The following MTRES1 variants were observed in gnomAD, a reference collection of about 807,000 sequenced individuals.
MTRES1 encodes uncharacterized protein C6orf203.
Under a neutral mutation model 17.4 loss-of-function variants are expected in MTRES1, and 11 were observed. That is an observed-to-expected ratio of 0.63 (90% CI 0.40 to 1.05). MTRES1 has a LOEUF of 1.05. Among genes scored for constraint, MTRES1 ranks in the 50% least tolerant of loss-of-function variants. The pLI is 0.00. For synonymous variants in MTRES1, 94 were observed against 99.6 expected (o/e 0.94, Z 0.34); for missense variants, 268 against 276.2 (o/e 0.97, Z 0.21).
At chr6:107,038,196 A>T (rs1774073803) in intron 1 of MTRES1, among the ~76,000 whole-genome samples, 1 of 152,174 alleles carries the variant, frequency 6.6e-6, no homozygotes, top group South Asian at 2.1e-4. Flanking sequence ...TGTTAAATAT[A>T]AATTGGAAGT....
chr6:107,045,838 G>A (rs1774372717), intron 3 of MTRES1, among the ~76,000 whole-genome samples: 1 of 152,212 alleles, frequency 6.6e-6, no homozygotes, highest in Non-Finnish European at 1.5e-5. Flanking sequence ...TTTGGAGATT[G>A]TTTTCATTTC....
At position 107,041,819 on chromosome 6, in the gene MTRES1, G is replaced by A. The variant is rs557278309; in HGVS notation, c.470+1589G>A. ...TGGGATTACAGGCGTGAGCCACCGC[G>A]CCTGGCGAAGATTTCTTTAGTATTC... On this transcript the variant is annotated intron_variant, in intron 2 of 3. Coordinates refer to ENST00000311381, the MANE Select transcript of MTRES1 (RefSeq NM_016487.5). Among the ~76,000 whole-genome samples, 123 of 152,106 alleles carry A rather than the reference G, an allele frequency of 8.1e-4. 1 individual carries two copies. The highest frequency in any genetic ancestry group is 6.8e-3 in the Middle Eastern group (2 of 294).
chr6:107,041,128 G>A (rs1030088916), intron 2 of MTRES1, among the ~76,000 whole-genome samples: 4 of 151,562 alleles, frequency 2.6e-5, no homozygotes, highest in Admixed American at 2.6e-4. Context: ...CGGAGGCTGA[G>A]GCAGGAGAAT....
chr6:107,038,965 A>G (rs1216564359), intron 1 of MTRES1, among the ~76,000 whole-genome samples: 1 of 152,128 alleles, frequency 6.6e-6, no homozygotes, highest in African/African-American at 2.4e-5. Context: ...GAGGCAGGAA[A>G]ATAGCTTGAA....
At chr6:107,048,324 G>A (rs1254519100) in intron 3 of MTRES1, among the ~76,000 whole-genome samples, 3 of 151,650 alleles carry the variant, frequency 2.0e-5, no homozygotes, top group Non-Finnish European at 4.4e-5. Flanking sequence ...TAGTAGAGAC[G>A]GGGTTTCGCC....
chr6:107,039,509 G>A (rs1554227307), intron 1 of MTRES1, among the ~76,000 whole-genome samples: 3 of 151,906 alleles, frequency 2.0e-5, no homozygotes, highest in African/African-American at 7.3e-5. Context: ...TAGTAGAGAT[G>A]GGGTTTTGCC....
intron 1 of MTRES1, among the ~76,000 whole-genome samples, chr6:107,030,446 A>C (rs1359440373): frequency 6.6e-6 from 1 of 152,216 alleles, no homozygotes; most frequent in Non-Finnish European, 1.5e-5. Context: ...TAGCAAAAGG[A>C]TACAAAGCAA....
rs1554229267 is a variant in MTRES1 at position 107,051,578 on chromosome 6, G to T, written c.*342G>T. Among the ~76,000 whole-genome samples the T allele has an allele frequency of 6.6e-6, 1 of 152,166 alleles. No individual in the cohort carries two copies. Among genetic ancestry groups the T allele is most frequent in the Admixed American group, 6.6e-5 (1 of 15,262 alleles). On this transcript the variant is annotated 3_prime_UTR_variant, in exon 4 of 4. Coordinates refer to ENST00000311381, the MANE Select transcript of MTRES1 (RefSeq NM_016487.5). The stretch of plus-strand genomic sequence containing the variant: ...AGTCACTGTAAAATAAACTGGCCTT[G>T]TTGTCTTAGTGTTTTTATTTAAAAT...
At chr6:107,050,991 G>C (rs1774584561) in intron 3 of MTRES1, 66 bp from the exon 4 acceptor site, 2 of 1,336,538 alleles carry the variant, frequency 1.5e-6, no homozygotes, top group Non-Finnish European at 1.1e-6. Flanking sequence ...ACTCAGAGCA[G>C]TAATGTTTGC....
intron 1 of MTRES1, among the ~76,000 whole-genome samples, chr6:107,032,685 C>T (rs538973637): frequency 2.0e-5 from 3 of 152,184 alleles, no homozygotes; most frequent in Admixed American, 1.3e-4. Context: ...GCCCGGGTGA[C>T]AGTGCAAGAC....
At chr6:107,030,874 T>A (rs1554226344) in intron 1 of MTRES1, among the ~76,000 whole-genome samples, 1 of 152,186 alleles carries the variant, frequency 6.6e-6, no homozygotes, top group African/African-American at 2.4e-5. Context: ...TGCACAGATG[T>A]ACGAGTCTGG....
chr6:107,044,849 G>C (rs1426093883), intron 3 of MTRES1, among the ~76,000 whole-genome samples: 1 of 152,152 alleles, frequency 6.6e-6, no homozygotes, highest in East Asian at 1.9e-4. Context: ...GTGAAAGTCA[G>C]TTACAAGAAA....
chr6:107,039,248 T>G (rs1774106329), intron 1 of MTRES1, among the ~76,000 whole-genome samples: 3 of 152,132 alleles, frequency 2.0e-5, no homozygotes, highest in Admixed American at 1.3e-4. Flanking sequence ...AGCTAGAAGA[T>G]TCACTGTGCT....
chr6:107,037,104 T>A (rs1161053391), intron 1 of MTRES1, among the ~76,000 whole-genome samples: 1 of 151,922 alleles, frequency 6.6e-6, no homozygotes, highest in African/African-American at 2.4e-5. Context: ...AAAAAGTTTT[T>A]TTAATTGTAC....
intron 1 of MTRES1, among the ~76,000 whole-genome samples, chr6:107,036,393 A>T (rs1774008899): frequency 6.6e-6 from 1 of 151,994 alleles, no homozygotes; most frequent in Admixed American, 6.6e-5. Flanking sequence ...AAAATACAAA[A>T]TTAGCCAGAC....
At chr6:107,045,517 T>G (rs1177967727) in intron 3 of MTRES1, among the ~76,000 whole-genome samples, 1 of 152,138 alleles carries the variant, frequency 6.6e-6, no homozygotes, top group African/African-American at 2.4e-5. Flanking sequence ...AGAAAATATT[T>G]TTTTGTAAAA....
intron 3 of MTRES1, among the ~76,000 whole-genome samples, chr6:107,049,970 C>T (rs1475796168): frequency 1.3e-5 from 2 of 152,216 alleles, no homozygotes; most frequent in African/African-American, 4.8e-5. Flanking sequence ...GTCCACCCAC[C>T]TTGGCCTCCC....
chr6:107,050,230 T>C (rs1242318711), intron 3 of MTRES1, among the ~76,000 whole-genome samples: 4 of 152,258 alleles, frequency 2.6e-5, no homozygotes, highest in Non-Finnish European at 4.4e-5. Context: ...TTTTAACCCA[T>C]TGAATCAGCA....
chr6:107,050,081 G>T (rs79177981), intron 3 of MTRES1, among the ~76,000 whole-genome samples: 1 of 152,184 alleles, frequency 6.6e-6, no homozygotes, highest in South Asian at 2.1e-4. Flanking sequence ...GCCTGGACCC[G>T]GTATCTGTCT....
Sources: gnomAD v4.1 joint callset for allele counts (sites outside exome capture counted in the v4.1 genomes callset) on GRCh38, gnomAD v4.1.1 for gene constraint, MANE v1.5 for transcripts, NCBI Gene and HGNC (gene_info 2026-07-23, HGNC 2026-07-21) for gene names.